Variants in HS6ST2 observed in about 807,000 individuals in gnomAD.
HS6ST2 encodes the protein heparan-sulfate 6-O-sulfotransferase 2.
HS6ST2 carries 17 observed loss-of-function variants against 33.0 expected under a neutral mutation model. The observed-to-expected ratio is 0.52, with a 90% confidence interval of 0.35 to 0.77. The LOEUF is 0.77. Among genes scored for constraint, HS6ST2 ranks in the 30% least tolerant of loss-of-function variants. HS6ST2 has a pLI of 0.01. For synonymous variants in HS6ST2, 248 were observed against 237.1 expected, an observed-to-expected ratio of 1.05 and a Z score of -0.42; for missense variants, 519 against 551.7, an observed-to-expected ratio of 0.94 and a Z score of 0.59.
intron 2 of HS6ST2, among the ~76,000 whole-genome samples, chrX:132,826,571 T>C (rs2065522501): frequency 9.1e-6 from 1 of 110,421 alleles, no homozygotes; most frequent in African/African-American, 3.3e-5. Flanking sequence ...TTAAATTGAC[T>C]ACTAAAAAAC....
intron 2 of HS6ST2, among the ~76,000 whole-genome samples, chrX:132,741,342 C>T (rs2064575674): frequency 9.2e-6 from 1 of 108,335 alleles, no homozygotes; most frequent in African/African-American, 3.4e-5. Context: ...CTCTGTTGCC[C>T]AAGCTGGAGT....
intron 3 of HS6ST2, among the ~76,000 whole-genome samples, chrX:132,674,018 A>T (rs900056863): frequency 9.0e-6 from 1 of 111,505 alleles, no homozygotes; most frequent in Non-Finnish European, 1.9e-5. Context: ...CTTTGTTCCA[A>T]ACTTTTTCAC....
chrX:132,688,872 C>T (rs1377105192), intron 3 of HS6ST2, among the ~76,000 whole-genome samples: 1 of 112,337 alleles, frequency 8.9e-6, no homozygotes, highest in African/African-American at 3.2e-5. Context: ...TAGATCTAAG[C>T]TCTAGCTAAT....
chrX:132,947,447 T>G (rs1220237329), intron 2 of HS6ST2, among the ~76,000 whole-genome samples: 1 of 111,286 alleles, frequency 9.0e-6, no homozygotes, highest in Non-Finnish European at 1.9e-5. Context: ...GTTTCAAACT[T>G]ATGGTATTAA....
chrX:132,685,838 T>C (rs1482299092), intron 3 of HS6ST2, among the ~76,000 whole-genome samples: 2 of 112,258 alleles, frequency 1.8e-5, no homozygotes, highest in African/African-American at 6.5e-5. Context: ...AGCTGTCAAA[T>C]GTACTAACCA....
chrX:132,720,233 G>A (rs2064316417), intron 2 of HS6ST2, among the ~76,000 whole-genome samples: 1 of 112,234 alleles, frequency 8.9e-6, no homozygotes, highest in South Asian at 3.7e-4. Flanking sequence ...TGTATAAGTG[G>A]CACATCATTA....
At chrX:132,795,145 G>A (rs1229660716) in intron 2 of HS6ST2, among the ~76,000 whole-genome samples, 1 of 111,486 alleles carries the variant, frequency 9.0e-6, no homozygotes, top group Non-Finnish European at 1.9e-5. Flanking sequence ...CACTGAGACT[G>A]AGAGGGAAGG....
chrX:132,883,173 C>T (rs2066200731), intron 2 of HS6ST2, among the ~76,000 whole-genome samples: 1 of 111,349 alleles, frequency 9.0e-6, no homozygotes, highest in Non-Finnish European at 1.9e-5. Flanking sequence ...CCCTCTTTTT[C>T]TACTGATTGG....
chrX:132,880,278 G>A (rs1349850327), intron 2 of HS6ST2, among the ~76,000 whole-genome samples: 3 of 111,487 alleles, frequency 2.7e-5, no homozygotes, highest in Non-Finnish European at 5.6e-5. Flanking sequence ...GCTCATGCCC[G>A]TAATCCTAGC....
intron 2 of HS6ST2, among the ~76,000 whole-genome samples, chrX:132,774,395 T>C (rs1421168365): frequency 2.7e-5 from 3 of 112,224 alleles, no homozygotes; most frequent in Non-Finnish European, 3.8e-5. Context: ...GTGCAAATAG[T>C]CTTGCTTCTT....
chrX:132,628,054 C>T lies in HS6ST2; in HGVS notation c.*169G>A. ...CATATTGAGATTTGTTTTACCTACA[C>T]ACAGTATAACACTGAATTGAAAGGC... On this transcript the variant is annotated 3_prime_UTR_variant, in exon 5 of 5. Coordinates refer to ENST00000370833, the MANE Select transcript of HS6ST2 (RefSeq NM_001394073.1). 1 of 385,516 alleles carries T rather than the reference C, an allele frequency of 2.6e-6. No homozygotes were observed. 31.8% of individuals were successfully genotyped at this position (385,516 alleles called of 1,213,427 possible). A position where few individuals can be genotyped will look rare whatever the true frequency, so the allele number is the denominator to read the frequency against.
At chrX:132,824,117 A>C (rs966843886) in intron 2 of HS6ST2, among the ~76,000 whole-genome samples, 1 of 111,067 alleles carries the variant, frequency 9.0e-6, no homozygotes, top group African/African-American at 3.3e-5. Context: ...TATTGATGCA[A>C]TACAGAAACA....
intron 2 of HS6ST2, among the ~76,000 whole-genome samples, chrX:132,791,574 T>C (rs1197664568): frequency 2.7e-5 from 3 of 112,170 alleles, no homozygotes; most frequent in African/African-American, 9.7e-5. Context: ...GATGTCAAAA[T>C]AATATTTTGT....
intron 2 of HS6ST2, among the ~76,000 whole-genome samples, chrX:132,853,823 G>A (rs1315822467): frequency 9.0e-6 from 1 of 110,968 alleles, no homozygotes; most frequent in African/African-American, 3.3e-5. Flanking sequence ...AGGAGATTGA[G>A]ACCAGCCTGG....
At chrX:132,883,394 A>G (rs1252029207) in intron 2 of HS6ST2, among the ~76,000 whole-genome samples, 2 of 111,212 alleles carry the variant, frequency 1.8e-5, no homozygotes, top group East Asian at 5.7e-4. Context: ...CATTTCTTCT[A>G]GATTTTTGGT....
At chrX:132,738,207 T>C (rs1458147587) in intron 2 of HS6ST2, among the ~76,000 whole-genome samples, 1 of 112,680 alleles carries the variant, frequency 8.9e-6, no homozygotes, top group African/African-American at 3.2e-5. Flanking sequence ...TTCCTTGCCC[T>C]TCTTCATAGT....
chrX:132,798,761 C>A (rs2065209389), intron 2 of HS6ST2, among the ~76,000 whole-genome samples: 1 of 111,981 alleles, frequency 8.9e-6, no homozygotes, highest in Non-Finnish European at 1.9e-5. Flanking sequence ...GACTCCAGAT[C>A]TGATGGAGCT....
intron 2 of HS6ST2, among the ~76,000 whole-genome samples, chrX:132,873,007 T>C (rs1420675244): frequency 1.8e-5 from 2 of 111,194 alleles, no homozygotes; most frequent in African/African-American, 6.5e-5. Flanking sequence ...ACCCAGCCCA[T>C]CACTTCCTGC....
chrX:132,926,643 C>T (rs777395312), intron 2 of HS6ST2, among the ~76,000 whole-genome samples: 2 of 112,491 alleles, frequency 1.8e-5, no homozygotes, highest in South Asian at 7.4e-4. Flanking sequence ...CCCAGTCTGG[C>T]TGAGCGCAGT....
Sources: gnomAD v4.1 joint callset for allele counts (sites outside exome capture counted in the v4.1 genomes callset) on GRCh38, gnomAD v4.1.1 for gene constraint, MANE v1.5 for transcripts, NCBI Gene and HGNC (gene_info 2026-07-23, HGNC 2026-07-21) for gene names.